SH3PXD2B: variants seen among roughly 807,000 people sequenced by gnomAD.
SH3PXD2B encodes SH3 and PX domains 2B.
SH3PXD2B carries 37 observed loss-of-function variants against 73.1 expected under a neutral mutation model. That is an observed-to-expected ratio of 0.51 (90% CI 0.39 to 0.67). SH3PXD2B has a LOEUF of 0.67. SH3PXD2B is among the 30% of genes least tolerant of loss of function. SH3PXD2B has a pLI of 0.00. For synonymous variants in SH3PXD2B, 457 were observed against 480.5 expected, an observed-to-expected ratio of 0.95 and a Z score of 0.64; for missense variants, 1,053 against 1,197.8, an observed-to-expected ratio of 0.88 and a Z score of 1.78.
intron 3 of SH3PXD2B, among the ~76,000 whole-genome samples, chr5:172,397,598 T>C (rs1397310158): frequency 6.6e-6 from 1 of 152,210 alleles, no homozygotes; most frequent in Non-Finnish European, 1.5e-5. Flanking sequence ...TTCCCTTTAT[T>C]TCTCAGACTG....
chr5:172,348,532 AATACAT>A (rs1757045932), intron 10 of SH3PXD2B, among the ~76,000 whole-genome samples: 1 of 152,106 alleles, frequency 6.6e-6, no homozygotes, highest in Non-Finnish European at 1.5e-5. Context: ...GTGAGAAAGA[AATACAT>A]ATCTAGATCG....
intron 1 of SH3PXD2B, among the ~76,000 whole-genome samples, chr5:172,440,582 G>C (rs573037380): frequency 1.3e-5 from 2 of 152,350 alleles, no homozygotes; most frequent in South Asian, 4.1e-4. Flanking sequence ...GAAAACTGCA[G>C]AAGTCAAGAC....
chr5:172,405,220 G>A (rs544192167), intron 3 of SH3PXD2B, among the ~76,000 whole-genome samples: 10 of 152,384 alleles, frequency 6.6e-5, no homozygotes, highest in Non-Finnish European at 1.5e-4. Flanking sequence ...CTGGTGTGCT[G>A]CCTGGTAGCC....
At chr5:172,425,607 C>T (rs1362585253) in intron 1 of SH3PXD2B, among the ~76,000 whole-genome samples, 4 of 151,022 alleles carry the variant, frequency 2.6e-5, no homozygotes, top group African/African-American at 7.3e-5. Flanking sequence ...GACAGTGCTG[C>T]GGGAGGAAGG....
chr5:172,418,987 G>A (rs1234225855), intron 2 of SH3PXD2B, among the ~76,000 whole-genome samples: 1 of 152,180 alleles, frequency 6.6e-6, no homozygotes, highest in Non-Finnish European at 1.5e-5. Context: ...AGTCACACCT[G>A]TGCAGAGGGA....
chr5:172,329,228 G>A (rs1370414405), downstream of SH3PXD2B, among the ~76,000 whole-genome samples: 3 of 148,682 alleles, frequency 2.0e-5, no homozygotes, highest in Non-Finnish European at 3.0e-5. Flanking sequence ...CTACAGGCAC[G>A]TGCCACCATG....
intron 1 of SH3PXD2B, among the ~76,000 whole-genome samples, chr5:172,449,824 T>G (rs146148618): frequency 6.8e-4 from 103 of 152,244 alleles, no homozygotes; most frequent in Middle Eastern, 3.4e-3. Flanking sequence ...GAGGCAGCTG[T>G]AAGAAAGTCA....
intron 1 of SH3PXD2B, among the ~76,000 whole-genome samples, chr5:172,451,299 T>G (rs928692345): frequency 4.6e-5 from 7 of 152,078 alleles, no homozygotes; most frequent in African/African-American, 1.7e-4. Flanking sequence ...AGTGGGAAAT[T>G]AGGGGGCGTA....
intron 8 of SH3PXD2B, among the ~76,000 whole-genome samples, chr5:172,357,600 C>T (rs745657561): frequency 4.6e-5 from 7 of 152,196 alleles, no homozygotes; most frequent in South Asian, 2.1e-4. Flanking sequence ...CTGACAGAGG[C>T]GCTCTCACGG....
intron 1 of SH3PXD2B, among the ~76,000 whole-genome samples, chr5:172,444,212 G>C (rs1024824660): frequency 5.9e-5 from 9 of 152,160 alleles, no homozygotes; most frequent in Admixed American, 1.3e-4. Context: ...CTGGACTCTT[G>C]AGTGGCTAAA....
chr5:172,334,364 G>A lies in SH3PXD2B; in HGVS notation c.*4005C>T. On this transcript the variant is annotated 3_prime_UTR_variant, in exon 13 of 13. Coordinates refer to ENST00000311601, the MANE Select transcript of SH3PXD2B (RefSeq NM_001017995.3). ...GTTAGGAGCAATTCCTCCAGGCCAA[G>A]AGAGGGCGCCCTGCACCCTCAGGCC... The A allele has an allele frequency of 6.0e-6, 6 of 993,912 alleles. No individual in the cohort carries two copies. Among genetic ancestry groups the A allele is most frequent in the Non-Finnish European group, 7.2e-6 (6 of 836,492 alleles). The allele number at this position is 993,912 out of a possible 1,614,324, so 61.6% of individuals were successfully genotyped here. A position where few individuals can be genotyped will look rare whatever the true frequency, so the allele number is the denominator to read the frequency against.
Position 172,333,534 on chromosome 5 carries a change from TTTATTTAA to T in SH3PXD2B, c.*4827_*4834del. 8.8e-7 allele frequency: 1 copy of T among 1,130,072 alleles called. No homozygotes were observed. The highest frequency in any genetic ancestry group is 1.1e-6 in the Non-Finnish European group (1 of 920,794). 70.0% of individuals were successfully genotyped at this position (1,130,072 alleles called of 1,614,324 possible). ...AGCTTGAAACCAGTCAAGCACTTTTTTTATTTAAAAAAAAAAAAAGGAAAGAAGTCAAA... is the reference window on the plus strand; with the variant it reads ...AGCTTGAAACCAGTCAAGCACTTTTTAAAAAAAAAAAGGAAAGAAGTCAAA... On this transcript the variant is annotated 3_prime_UTR_variant, in exon 13 of 13. Transcript: ENST00000311601.
Position 172,358,897 on chromosome 5 carries a change from G to A in SH3PXD2B, c.563-20C>T. On this transcript the variant is annotated intron_variant, in intron 7 of 12. Coordinates refer to ENST00000311601, the MANE Select transcript of SH3PXD2B (RefSeq NM_001017995.3). ...ACCAACCTGGGGAAGCAAGAGTGCA[G>A]AATGATGTTAGTTGCATCAAGCATG... is the stretch of plus-strand genomic sequence containing the variant. The A allele has an allele frequency of 6.2e-7, 1 of 1,609,844 alleles. No individual in the cohort carries two copies. Among genetic ancestry groups the A allele is most frequent in the Non-Finnish European group, 8.5e-7 (1 of 1,177,174 alleles).
downstream of SH3PXD2B, among the ~76,000 whole-genome samples, chr5:172,329,540 C>CTTTTTTTTTTTTTTTATTTTTTT (rs370876232): frequency 9.4e-6 from 1 of 106,460 alleles, no homozygotes; most frequent in Non-Finnish European, 1.9e-5. Context: ...CTTTGTTATT[C>CTTTTTTTTTTTTTTTATTTTTTT]TTTTTTTTTT....
chr5:172,375,669 T>C (rs979448711), intron 5 of SH3PXD2B, among the ~76,000 whole-genome samples: 2 of 152,230 alleles, frequency 1.3e-5, no homozygotes, highest in Non-Finnish European at 2.9e-5. Flanking sequence ...ATCTGTGTTA[T>C]GGTATGTATC....
chr5:172,387,697 AT>A (rs1288352104), intron 4 of SH3PXD2B, among the ~76,000 whole-genome samples: 81 of 152,352 alleles, frequency 5.3e-4, no homozygotes, highest in Non-Finnish European at 1.8e-4. Context: ...TTGAGTGGCT[AT>A]TTATGAGGTG....
intron 1 of SH3PXD2B, among the ~76,000 whole-genome samples, chr5:172,432,004 C>G (rs1759258178): frequency 6.6e-6 from 1 of 151,974 alleles, no homozygotes; most frequent in South Asian, 2.1e-4. Flanking sequence ...TGGTGAAACC[C>G]CATCTCTACT....
At chr5:172,341,400 G>A (rs1282672365) in intron 12 of SH3PXD2B, among the ~76,000 whole-genome samples, 1 of 152,156 alleles carries the variant, frequency 6.6e-6, no homozygotes, top group Non-Finnish European at 1.5e-5. Flanking sequence ...ATGGCTTGGT[G>A]TCCTTCCCTT....
chr5:172,440,796 G>C (rs528634784), intron 1 of SH3PXD2B, among the ~76,000 whole-genome samples: 1 of 152,316 alleles, frequency 6.6e-6, no homozygotes, highest in Admixed American at 6.5e-5. Flanking sequence ...GACAGACTCT[G>C]AACTGGACAG....
Sources: allele counts gnomAD v4.1 joint callset (sites outside exome capture counted in the v4.1 genomes callset), GRCh38; gene constraint gnomAD v4.1.1; transcripts MANE v1.5; gene names NCBI Gene and HGNC (gene_info 2026-07-23, HGNC 2026-07-21).